The following PPAT variants were observed in gnomAD, a reference collection of about 807,000 sequenced individuals.
PPAT encodes the protein phosphoribosyl pyrophosphate amidotransferase, also known as amidophosphoribosyltransferase.
In PPAT, 20 loss-of-function variants were observed where a neutral mutation model predicts 60.2. The observed-to-expected ratio is 0.33, with a 90% CI of 0.23 to 0.48. The LOEUF (loss-of-function observed/expected upper bound fraction) is 0.48, where lower values mean the gene tolerates loss of function less well. Among genes scored for constraint, PPAT ranks in the 20% least tolerant of loss-of-function variants. The pLI is 0.99. For missense variants in PPAT, 349 were observed against 629.6 expected, an observed-to-expected ratio of 0.55 and a Z score of 4.77; for synonymous variants, 194 against 215.1, an observed-to-expected ratio of 0.90 and a Z score of 0.86.
At position 56,394,434 on chromosome 4, in the gene PPAT, A is replaced by G. The variant is rs1715913264; in HGVS notation, c.*918T>C. On this transcript the variant is annotated 3_prime_UTR_variant, in exon 11 of 11. Transcript: ENST00000264220. Reference sequence around the variant, plus strand: ...CACTTCATTAAAAAAAGCATATGATAATTAATTAAATTAAGGATAAAGGGA... The same window carrying G: ...CACTTCATTAAAAAAAGCATATGATGATTAATTAAATTAAGGATAAAGGGA... 1 of 152,146 alleles carries G rather than the reference A, an allele frequency of 6.6e-6. No individual in the cohort carries two copies. The highest frequency in any genetic ancestry group is 2.1e-4 in the South Asian group (1 of 4,828). The allele number at this position is 152,146 out of a possible 1,614,324, so 9.4% of individuals were successfully genotyped here. A position where few individuals can be genotyped will look rare whatever the true frequency, so the allele number is the denominator to read the frequency against.
At chr4:56,430,461 G>C (rs1456147420) in intron 1 of PPAT, among the ~76,000 whole-genome samples, 4 of 151,966 alleles carry the variant, frequency 2.6e-5, no homozygotes, top group African/African-American at 7.3e-5. Flanking sequence ...TGCCCTGTAT[G>C]GTAAAGTATT....
intron 1 of PPAT, among the ~76,000 whole-genome samples, chr4:56,432,082 T>C (rs1289048944): frequency 2.0e-5 from 3 of 152,236 alleles, no homozygotes; most frequent in Non-Finnish European, 4.4e-5. Flanking sequence ...TGATACTCTA[T>C]TTATTTTTAT....
At chr4:56,407,280 C>G (rs1179065689) in intron 2 of PPAT, among the ~76,000 whole-genome samples, 1 of 151,840 alleles carries the variant, frequency 6.6e-6, no homozygotes, top group Non-Finnish European at 1.5e-5. Context: ...TATTAATGAT[C>G]ATCTGTCTTT....
At chr4:56,406,427 T>A (rs1716242450) in intron 3 of PPAT, 68 bp downstream of exon 3, 2 of 1,503,480 alleles carry the variant, frequency 1.3e-6, no homozygotes, top group Non-Finnish European at 1.8e-6. Context: ...CAAAGATCCT[T>A]AACTTTTATT....
At chr4:56,431,967 A>G (rs1430460220) in intron 1 of PPAT, among the ~76,000 whole-genome samples, 1 of 152,240 alleles carries the variant, frequency 6.6e-6, no homozygotes, top group East Asian at 1.9e-4. Context: ...CAGAAAGCAG[A>G]GCTACGGAAT....
chr4:56,396,320 GT>G lies in PPAT; in HGVS notation c.1357+298del, dbSNP rs1560636185. 5.2e-6 allele frequency: 1 copy of G among 192,770 alleles called. No homozygotes were observed. The highest frequency in any genetic ancestry group is 1.2e-4 in the East Asian group (1 of 8,026). The allele number at this position is 192,770 out of a possible 1,614,324, so 11.9% of individuals were successfully genotyped here. A position where few individuals can be genotyped will look rare whatever the true frequency, so the allele number is the denominator to read the frequency against. ...GTTAGAATCTGATTAAATTATTTTT[GT>G]TTTTCTTGGGATCTGACTTTTGGGA... On this transcript the variant is annotated intron_variant, in intron 10 of 10. Coordinates refer to ENST00000264220, the MANE Select transcript of PPAT (RefSeq NM_002703.5). This position sits in a 1 kb window ranked among gnomAD's most constrained non-coding sequence, Gnocchi z 4.6.
At chr4:56,412,787 G>A (rs1210322702) in intron 1 of PPAT, among the ~76,000 whole-genome samples, 2 of 152,024 alleles carry the variant, frequency 1.3e-5, no homozygotes, top group African/African-American at 2.4e-5. Flanking sequence ...GTCTCATATG[G>A]AATATTAATG....
chr4:56,433,241 AATGTT>A (rs1281002539), intron 1 of PPAT, among the ~76,000 whole-genome samples: 4 of 151,832 alleles, frequency 2.6e-5, no homozygotes, highest in African/African-American at 9.7e-5. Flanking sequence ...ACACAAGAGA[AATGTT>A]AAATTGTTTT....
At chr4:56,429,197 T>C (rs1479121738) in intron 1 of PPAT, among the ~76,000 whole-genome samples, 1 of 152,152 alleles carries the variant, frequency 6.6e-6, no homozygotes, top group Non-Finnish European at 1.5e-5. Context: ...CTGCAGGAGC[T>C]AGAGTTTATA....
At chr4:56,400,981 T>C in intron 7 of PPAT, 70 bp from the exon 8 acceptor site, 1 of 1,430,014 alleles carries the variant, frequency 7.0e-7, no homozygotes, top group Non-Finnish European at 9.7e-7. Flanking sequence ...TCTAAAAAAC[T>C]AGTGCTAGAA....
At chr4:56,407,560 C>T (rs1716276963) in intron 2 of PPAT, 90 bp downstream of exon 2, 7 of 1,030,930 alleles carry the variant, frequency 6.8e-6, no homozygotes, top group Non-Finnish European at 1.1e-5. Flanking sequence ...TCAGGTGATC[C>T]TCCTGCCTTG....
chr4:56,417,847 T>TG (rs1553938925), intron 1 of PPAT, among the ~76,000 whole-genome samples: 3 of 150,664 alleles, frequency 2.0e-5, no homozygotes, highest in Non-Finnish European at 4.4e-5. Flanking sequence ...TTTTTGTTTT[T>TG]TTTTTTTTTT....
intron 10 of PPAT, 82 bp from the exon 11 acceptor site, chr4:56,395,630 C>A (rs1448164985): frequency 1.8e-5 from 17 of 935,248 alleles, no homozygotes; most frequent in South Asian, 1.5e-4. Flanking sequence ...TAGTTACAAA[C>A]AGAATAATTT....
chr4:56,426,597 T>C (rs1159192405), intron 1 of PPAT, among the ~76,000 whole-genome samples: 2 of 152,222 alleles, frequency 1.3e-5, no homozygotes, highest in Non-Finnish European at 1.5e-5. Flanking sequence ...GTAGCATATA[T>C]CAGTATTTCA....
intron 1 of PPAT, among the ~76,000 whole-genome samples, chr4:56,413,801 A>G (rs549258191): frequency 7.6e-4 from 116 of 152,150 alleles, no homozygotes; most frequent in African/African-American, 2.7e-3. Flanking sequence ...GGAGGCTGAG[A>G]CAGGAGAATC....
chr4:56,431,849 G>A (rs1375703279), intron 1 of PPAT, among the ~76,000 whole-genome samples: 2 of 152,310 alleles, frequency 1.3e-5, no homozygotes, highest in South Asian at 2.1e-4. Flanking sequence ...CTGAAATGAT[G>A]TTTTCAGGAC....
chr4:56,431,269 C>T (rs987769382), intron 1 of PPAT, among the ~76,000 whole-genome samples: 8 of 152,070 alleles, frequency 5.3e-5, no homozygotes, highest in African/African-American at 1.9e-4. Context: ...AATTTGGCAG[C>T]CCAAAGTAAG....
chr4:56,427,642 TAA>T (rs3036919), intron 1 of PPAT, among the ~76,000 whole-genome samples: 19,630 of 140,400 alleles, frequency 0.14, 1,415 homozygotes, highest in Admixed American at 0.24. Context: ...CCCTGTCTCT[TAA>T]AAAAAAAAAA....
At chr4:56,435,312 G>T in intron 1 of PPAT, 38 bp downstream of exon 1, 3 of 1,611,086 alleles carry the variant, frequency 1.9e-6, no homozygotes, top group South Asian at 1.1e-5. Context: ...CCGAGAGATG[G>T]AGACGCACGC....
Sources: gnomAD v4.1 joint callset for allele counts (sites outside exome capture counted in the v4.1 genomes callset) on GRCh38, gnomAD v4.1.1 for gene constraint, Gnocchi (gnomAD v3.1) non-coding constraint, MANE v1.5 for transcripts, NCBI Gene and HGNC (gene_info 2026-07-23, HGNC 2026-07-21) for gene names.